Variants in ARHGAP33 observed in about 807,000 individuals in gnomAD.
ARHGAP33 encodes Rho GTPase activating protein 33.
In ARHGAP33, 57 loss-of-function variants were observed where a neutral mutation model predicts 126.2. The observed-to-expected ratio is 0.45, with a 90% confidence interval of 0.36 to 0.56. ARHGAP33 has a LOEUF of 0.56. Ranked by LOEUF, ARHGAP33 falls within the 20% of genes least tolerant of loss-of-function variation. The pLI is 0.00. For synonymous variants in ARHGAP33, 711 were observed against 755.0 expected (o/e 0.94, Z 0.95); for missense variants, 1,500 against 1,748.3 (o/e 0.86, Z 2.53).
intron 19 of ARHGAP33, 21 bp downstream of exon 19, chr19:35,785,504 G>T: frequency 6.2e-7 from 1 of 1,614,094 alleles, no homozygotes; most frequent in African/African-American, 1.3e-5. Context: ...CGGGCAATTG[G>T]GGGGCGCTAC....
intron 19 of ARHGAP33, chr19:35,785,734 TTTAA>T: frequency 2.2e-6 from 3 of 1,347,088 alleles, no homozygotes; most frequent in Non-Finnish European, 2.9e-6. Flanking sequence ...TGTTGAACAT[TTTAA>T]AATAATATCA....
Position 35,785,503 on chromosome 19 carries a change from G to C in ARHGAP33, c.1942+20G>C. The C allele has an allele frequency of 6.2e-7, 1 of 1,613,450 alleles. No homozygotes were observed. Among genetic ancestry groups the C allele is most frequent in the Admixed American group, 1.7e-5 (1 of 59,996 alleles). On this transcript the variant is annotated intron_variant, in intron 19 of 20. Coordinates refer to ENST00000007510, the MANE Select transcript of ARHGAP33 (RefSeq NM_001366178.1). ...GGGCTGGTGAGCAAGGCGGGCAATT[G>C]GGGGGCGCTACCTGTGCCCATGTGG...
In ARHGAP33 at chr19:35,787,593, AGGGATGC is replaced by A; in HGVS notation, c.3030_3036del (p.Arg1010SerfsTer161). 2 of 1,606,772 alleles carry A rather than the reference AGGGATGC, an allele frequency of 1.2e-6. No homozygotes were observed. Among genetic ancestry groups the A allele is most frequent in the Non-Finnish European group, 1.7e-6 (2 of 1,177,826 alleles). Reference sequence around the variant, plus strand: ...CCAGCTCAGGGCAGGTGGCGGGGGCAGGGATGCGCCAGAGGCAGCAGCCCAGTCCCCA... The same window carrying A: ...CCAGCTCAGGGCAGGTGGCGGGGGCAGCCAGAGGCAGCAGCCCAGTCCCCA... On this transcript the variant is annotated frameshift_variant, in exon 21 of 21. Transcript: ENST00000007510. LOFTEE classifies it high-confidence loss of function.
chr19:35,778,253 C>T, intron 3 of ARHGAP33, 27 bp from the exon 4 acceptor site: 1 of 1,613,446 alleles, frequency 6.2e-7, no homozygotes, highest in Non-Finnish European at 8.5e-7. Context: ...GACAAAAGTC[C>T]ACCTGGGCCT....
At chr19:35,781,302 C>T (rs1237876932) in intron 12 of ARHGAP33, 50 bp downstream of exon 12, 1 of 1,567,964 alleles carries the variant, frequency 6.4e-7, no homozygotes, top group Non-Finnish European at 8.8e-7. Context: ...CACCCAGCAC[C>T]TCCACTCCAG....
Position 35,782,225 on chromosome 19 carries a change from G to T in ARHGAP33, c.1086-148G>T. The T allele has an allele frequency of 1.4e-5, 12 of 853,852 alleles. No homozygotes were observed. The highest frequency in any genetic ancestry group is 2.0e-5 in the Non-Finnish European group (11 of 550,248). The allele number at this position is 853,852 out of a possible 1,614,324, so 52.9% of individuals were successfully genotyped here. On this transcript the variant is annotated intron_variant, in intron 12 of 20. Coordinates refer to ENST00000007510, the MANE Select transcript of ARHGAP33 (RefSeq NM_001366178.1). This position sits in a 1 kb window ranked among gnomAD's most constrained non-coding sequence, Gnocchi z 4.1. The stretch of plus-strand genomic sequence containing the variant: ...CAGGCTTGCTGGGGAGTTCAGTAAG[G>T]TTCTGCCTCTGAAGAGCCCAGTGTA...
chr19:35,788,366 AC>A lies in ARHGAP33; in HGVS notation c.3806del (p.Pro1269LeufsTer60). ...GQRGEGAGPP[P>X]PYPTPSWSLH... The stretch of plus-strand genomic sequence containing the variant: ...AAAGAGGGGAGGGGGCTGGTCCCCC[AC>A]CCCCTTACCCCACTCCCAGCTGGTC... On this transcript the variant is annotated frameshift_variant, in exon 21 of 21. Transcript: ENST00000007510. LOFTEE classifies it high-confidence loss of function. 2 of 1,582,036 alleles carry A rather than the reference AC, an allele frequency of 1.3e-6. No homozygotes were observed. The highest frequency in any genetic ancestry group is 1.7e-6 in the Non-Finnish European group (2 of 1,164,438).
chr19:35,781,476 G>A (rs1265720811), intron 12 of ARHGAP33, among the ~76,000 whole-genome samples: 3 of 152,234 alleles, frequency 2.0e-5, no homozygotes, highest in East Asian at 3.8e-4. Context: ...CACTGGGGAC[G>A]CAGCAGTGAG....
Position 35,788,602 on chromosome 19 carries a change from ACTGAAGGGT to A in ARHGAP33, c.*177_*185del, listed in dbSNP as rs1360720491. 1 of 602,472 alleles carries A rather than the reference ACTGAAGGGT, an allele frequency of 1.7e-6. No individual in the cohort carries two copies. The highest frequency in any genetic ancestry group is 3.3e-5 in the East Asian group (1 of 30,392). 37.3% of individuals were successfully genotyped at this position (602,472 alleles called of 1,614,324 possible). ...TATAATCTCAGCTTCCCTACCCTGG[ACTGAAGGGT>A]CTGCCCATCCCCCCACCACCCTCCA... On this transcript the variant is annotated 3_prime_UTR_variant, in exon 21 of 21. Coordinates refer to ENST00000007510, the MANE Select transcript of ARHGAP33 (RefSeq NM_001366178.1).
At position 35,781,074 on chromosome 19, in the gene ARHGAP33, T is replaced by C; in HGVS notation, c.982+2T>C. On this transcript the variant is annotated splice_donor_variant, in intron 11 of 20. Transcript: ENST00000007510. LOFTEE classifies it high-confidence loss of function. ...ACCTCAGCAACTCAGGCCAGGATGG[T>C]GAGGCCGGGGCCCACCCACCCCACC... is the stretch of plus-strand genomic sequence containing the variant. 6.2e-7 allele frequency: 1 copy of C among 1,612,110 alleles called. No homozygotes were observed. Among genetic ancestry groups the C allele is most frequent in the Non-Finnish European group, 8.5e-7 (1 of 1,179,752 alleles).
chr19:35,781,830 C>T (rs1021020899), intron 12 of ARHGAP33, among the ~76,000 whole-genome samples: 9 of 151,956 alleles, frequency 5.9e-5, no homozygotes, highest in African/African-American at 9.7e-5. Flanking sequence ...AAGGGGGAAC[C>T]GCAGGAGGGC....
At chr19:35,785,144 G>A (rs1972040287) in intron 17 of ARHGAP33, 38 bp downstream of exon 17, 1 of 1,584,364 alleles carries the variant, frequency 6.3e-7, no homozygotes, top group East Asian at 2.3e-5. Context: ...GGCAGGTGGA[G>A]GCCTGGTTCC....
chr19:35,776,815 G>A (rs1297865038), intron 1 of ARHGAP33, among the ~76,000 whole-genome samples: 2 of 152,208 alleles, frequency 1.3e-5, no homozygotes, highest in African/African-American at 4.8e-5. Context: ...TCTGGTCAAG[G>A]CATGGAACCT....
At position 35,779,206 on chromosome 19, in the gene ARHGAP33, G is replaced by A. The variant is rs75900693; in HGVS notation, c.501+82G>A. 4,309 of 1,137,490 alleles carry A rather than the reference G, an allele frequency of 3.8e-3. 233 individuals carry two copies. In the East Asian group the frequency reaches 0.1, roughly 27 times the overall value. The allele number at this position is 1,137,490 out of a possible 1,614,324, so 70.5% of individuals were successfully genotyped here. ...CGAGAAGCAGCCTCGGTGTGTGTGT[G>A]GGCATAGAAAAGAAAGGAGCCAGAG... On this transcript the variant is annotated intron_variant, in intron 6 of 20. Coordinates refer to ENST00000007510, the MANE Select transcript of ARHGAP33 (RefSeq NM_001366178.1).
chr19:35,786,167 T>C lies in ARHGAP33; in HGVS notation c.1943-246T>C. On this transcript the variant is annotated intron_variant, in intron 19 of 20. Transcript: ENST00000007510. This position sits in a 1 kb window ranked among gnomAD's most constrained non-coding sequence, Gnocchi z 7.0. ...CCCAGGAGCCCAGGTGCTGTCCTGCTGGCTCAGCAGCTGTATGTGAATCTG... is the reference window on the plus strand; with the variant it reads ...CCCAGGAGCCCAGGTGCTGTCCTGCCGGCTCAGCAGCTGTATGTGAATCTG... 2.9e-6 allele frequency: 4 copies of C among 1,383,154 alleles called. No individual in the cohort carries two copies. The highest frequency in any genetic ancestry group is 3.7e-6 in the Non-Finnish European group (4 of 1,072,716). The allele number at this position is 1,383,154 out of a possible 1,614,324, so 85.7% of individuals were successfully genotyped here.
chr19:35,776,886 G>C (rs1208031133), intron 1 of ARHGAP33, among the ~76,000 whole-genome samples: 1 of 152,244 alleles, frequency 6.6e-6, no homozygotes, highest in African/African-American at 2.4e-5. Context: ...GCAGCCTGAA[G>C]GGTCAGGGAG....
In ARHGAP33 at chr19:35,786,990, G is replaced by T. The variant is rs1425624568; in HGVS notation, c.2520G>T (p.Leu840=). Residue 840 remains leucine, a synonymous_variant, in exon 20 of 21, where the codon CTG becomes CTT. Coordinates refer to ENST00000007510, the MANE Select transcript of ARHGAP33 (RefSeq NM_001366178.1). This position sits in a 1 kb window ranked among gnomAD's most constrained non-coding sequence, Gnocchi z 7.0. The part of the protein sequence containing the change: ...RSLRPHLIPL[L]LRGAEAPLTD... ...TGCGCCCCCATCTCATACCCCTGCTGCTGCGAGGAGCCGAGGCCCCGCTGA... is the reference window on the plus strand; with the variant it reads ...TGCGCCCCCATCTCATACCCCTGCTTCTGCGAGGAGCCGAGGCCCCGCTGA... The T allele has an allele frequency of 6.2e-7, 1 of 1,609,978 alleles. No individual in the cohort carries two copies. The highest frequency in any genetic ancestry group is 1.1e-5 in the South Asian group (1 of 90,656).
intron 5 of ARHGAP33, 52 bp from the exon 6 acceptor site, chr19:35,778,980 T>C: frequency 7.0e-7 from 1 of 1,437,558 alleles, no homozygotes. Context: ...GGGAGGGCAG[T>C]GGGCTCTCTC....
intron 16 of ARHGAP33, chr19:35,784,536 T>G (rs1417899493): frequency 1.4e-5 from 18 of 1,313,652 alleles, no homozygotes; most frequent in Non-Finnish European, 1.7e-5. Context: ...CGGACGCCGC[T>G]CTTCCTTCAC....
Sources: gnomAD v4.1 joint callset for allele counts (sites outside exome capture counted in the v4.1 genomes callset) on GRCh38, gnomAD v4.1.1 for gene constraint, Gnocchi (gnomAD v3.1) non-coding constraint, MANE v1.5 for transcripts, NCBI Gene and HGNC (gene_info 2026-07-23, HGNC 2026-07-21) for gene names.